Variants in CAMK2G observed in about 807,000 individuals in gnomAD.
CAMK2G encodes calcium/calmodulin dependent protein kinase II gamma.
A neutral mutation model predicts 88.7 loss-of-function variants in CAMK2G; 23 were observed. The ratio of observed to expected loss-of-function variants is 0.26; its 90% CI spans 0.19 to 0.37. The LOEUF is 0.37. Ranked by LOEUF, CAMK2G falls within the 10% of genes least tolerant of loss-of-function variation. The probability of loss-of-function intolerance (pLI) is 1.00; values close to 1 mark genes in which losing one functional copy is unlikely to be tolerated. For synonymous variants in CAMK2G, 263 were observed against 294.8 expected (o/e 0.89, Z 1.11); for missense variants, 476 against 780.8 (o/e 0.61, Z 4.65).
At position 73,842,987 on chromosome 10, in the gene CAMK2G, C is replaced by T. The variant is rs1041087791; in HGVS notation, c.820-446G>A. Among the ~76,000 whole-genome samples the T allele has an allele frequency of 2.0e-5, 3 of 152,178 alleles. No homozygotes were observed. Among genetic ancestry groups the T allele is most frequent in the Non-Finnish European group, 2.9e-5 (2 of 68,032 alleles). The stretch of plus-strand genomic sequence containing the variant: ...CTTCCAAGAGCCCCTCTCCACACAC[C>T]CCCAGCAAGGTCCTGAATGAAGCCA... On this transcript the variant is annotated intron_variant, in intron 10 of 22. Coordinates refer to ENST00000423381, the MANE Select transcript of CAMK2G (RefSeq NM_001367534.1). This position sits in a 1 kb window ranked among gnomAD's most constrained non-coding sequence, Gnocchi z 4.6.
intron 3 of CAMK2G, among the ~76,000 whole-genome samples, chr10:73,857,251 T>A (rs2095104531): frequency 6.6e-6 from 1 of 152,136 alleles, no homozygotes; most frequent in Non-Finnish European, 1.5e-5. Context: ...CTTGAAGAGA[T>A]CACTTCTAGG....
intron 20 of CAMK2G, 100 bp from the exon 21 acceptor site, chr10:73,817,217 T>C (rs1477652545): frequency 6.7e-7 from 1 of 1,485,848 alleles, no homozygotes; most frequent in Non-Finnish European, 9.0e-7. Context: ...AGGCTACCTG[T>C]GGCCATGCCA....
chr10:73,862,047 T>TA (rs1249760708), intron 2 of CAMK2G, among the ~76,000 whole-genome samples: 1 of 152,156 alleles, frequency 6.6e-6, no homozygotes, highest in African/African-American at 2.4e-5. Context: ...CAGGATTACT[T>TA]GGTTTTGGTG....
intron 1 of CAMK2G, among the ~76,000 whole-genome samples, chr10:73,873,998 A>G (rs1023971039): frequency 6.7e-6 from 1 of 148,498 alleles, no homozygotes; most frequent in Non-Finnish European, 1.5e-5. Flanking sequence ...CAGCAGAGCT[A>G]GGGCTGCAGG....
rs1404421915 is a variant in CAMK2G, at chr10:73,813,238, CCT to C, written c.*1278_*1279del. ...AAGGTAGAAGCCTTGGCTCTGGACA[CCT>C]CTTTTGGGTTACATGCGGGGAGGGG... is the stretch of plus-strand genomic sequence containing the variant. On this transcript the variant is annotated 3_prime_UTR_variant, in exon 23 of 23. Coordinates refer to ENST00000423381, the MANE Select transcript of CAMK2G (RefSeq NM_001367534.1). The C allele has an allele frequency of 6.5e-6, 1 of 152,756 alleles. No homozygotes were observed. Among genetic ancestry groups the C allele is most frequent in the African/African-American group, 2.4e-5 (1 of 41,466 alleles). 9.5% of individuals were successfully genotyped at this position (152,756 alleles called of 1,614,324 possible).
At position 73,847,266 on chromosome 10, in the gene CAMK2G, G is replaced by A; in HGVS notation, c.778C>T (p.Arg260Cys). Reference sequence around the variant, plus strand: ...TTGAGAGCCTGGTCAGCCGTGATGCGCTTTGCTGGGTTTATGGTCAGCATC... The same window carrying A: ...TTGAGAGCCTGGTCAGCCGTGATGCACTTTGCTGGGTTTATGGTCAGCATC... Reference protein sequence around the residue: ...NQMLTINPAKRITADQALKHP... With the variant: ...NQMLTINPAKCITADQALKHP... The change falls in exon 10 of 23, where the codon CGC becomes TGC. Residue 260 changes from arginine (R) to cysteine (C), a missense_variant. Around this residue, in one of 3 missense-constraint regions of CAMK2G, gnomAD observed 164 missense variants for 385.6 expected, o/e 0.43. Transcript: ENST00000423381. 6.2e-7 allele frequency: 1 copy of A among 1,614,184 alleles called. No homozygotes were observed. Among genetic ancestry groups the A allele is most frequent in the Non-Finnish European group, 8.5e-7 (1 of 1,180,002 alleles).
chr10:73,843,033 C>T (rs1000217266), intron 10 of CAMK2G, among the ~76,000 whole-genome samples: 15 of 151,988 alleles, frequency 9.9e-5, no homozygotes, highest in Admixed American at 2.0e-4. Flanking sequence ...AGCTAAGGAT[C>T]GTCACCTTGA....
At chr10:73,824,974 C>G (rs973065630) in intron 16 of CAMK2G, among the ~76,000 whole-genome samples, 29 of 152,344 alleles carry the variant, frequency 1.9e-4, no homozygotes, top group Non-Finnish European at 2.9e-4. Flanking sequence ...TCCCAGCCCC[C>G]ACAGCAGACC....
chr10:73,814,667 A>G (rs2084849248), intron 22 of CAMK2G, 162 bp from the exon 23 acceptor site: 1 of 247,328 alleles, frequency 4.0e-6, no homozygotes, highest in Admixed American at 4.8e-5. Context: ...CCATTTGCTA[A>G]GCACTAACTA....
chr10:73,826,900 G>C (rs1407382926), intron 15 of CAMK2G, among the ~76,000 whole-genome samples: 2 of 152,180 alleles, frequency 1.3e-5, no homozygotes, highest in Admixed American at 1.3e-4. Flanking sequence ...GGCACCAAGT[G>C]ACTCCACTGA....
chr10:73,814,384 G>C lies in CAMK2G; in HGVS notation c.*134C>G, dbSNP rs1163642293. ...CTGCATGCAGGGGCGTGCATTGGCT[G>C]CTGCCGCTTTTGTAATTGAATTGTT... On this transcript the variant is annotated 3_prime_UTR_variant, in exon 23 of 23. Coordinates refer to ENST00000423381, the MANE Select transcript of CAMK2G (RefSeq NM_001367534.1). 1 of 152,996 alleles carries C rather than the reference G, an allele frequency of 6.5e-6. No homozygotes were observed. The highest frequency in any genetic ancestry group is 1.5e-5 in the Non-Finnish European group (1 of 68,494). 9.5% of individuals were successfully genotyped at this position (152,996 alleles called of 1,614,324 possible). A position where few individuals can be genotyped will look rare whatever the true frequency, so the allele number is the denominator to read the frequency against.
intron 2 of CAMK2G, among the ~76,000 whole-genome samples, chr10:73,868,851 G>C (rs1027049119): frequency 6.6e-6 from 1 of 152,162 alleles, no homozygotes; most frequent in Non-Finnish European, 1.5e-5. Flanking sequence ...AGTCCCCAGG[G>C]CCAGCTGGAC....
In CAMK2G at chr10:73,839,791, G is replaced by T. The variant is rs1163731343; in HGVS notation, c.947-190C>A. ...CTGCAGCAGTCTGGGGGCCTGGGAA[G>T]ACCGGGCTGGGCCAGGGCATAGGGA... On this transcript the variant is annotated intron_variant, in intron 12 of 22. Transcript: ENST00000423381. This position sits in a 1 kb window ranked among gnomAD's most constrained non-coding sequence, Gnocchi z 4.2. Among the ~76,000 whole-genome samples the T allele has an allele frequency of 1.3e-5, 2 of 152,190 alleles. No individual in the cohort carries two copies. Among genetic ancestry groups the T allele is most frequent in the African/African-American group, 4.8e-5 (2 of 41,448 alleles).
At position 73,821,670 on chromosome 10, in the gene CAMK2G, G is replaced by T. The variant is rs769509185; in HGVS notation, c.1249+12C>A. ...TGCTGGAGTCCTTCCCCCTCCAAGG[G>T]CCAGCACCTACCTTTGAGGTCCTCA... On this transcript the variant is annotated intron_variant, in intron 18 of 22. Coordinates refer to ENST00000423381, the MANE Select transcript of CAMK2G (RefSeq NM_001367534.1). 47 of 1,606,268 alleles carry T rather than the reference G, an allele frequency of 2.9e-5. No homozygotes were observed. The South Asian group carries it at 5.2e-4, about 18-fold the overall frequency.
intron 2 of CAMK2G, among the ~76,000 whole-genome samples, chr10:73,872,637 C>T (rs2095872417): frequency 6.6e-6 from 1 of 152,174 alleles, no homozygotes; most frequent in African/African-American, 2.4e-5. Flanking sequence ...CCTGCAGTAG[C>T]CACCACTGCC....
In CAMK2G at chr10:73,848,526, C is replaced by T; in HGVS notation, c.601G>A (p.Gly201Arg). ...YGKPVDIWAC[G>R]VILYILLVGY... The stretch of plus-strand genomic sequence containing the variant: ...AGCTGAGAGCGTGGAATGGGCTTAC[C>T]GCAGGCCCAGATATCCACAGGTTTT... Residue 201 changes from glycine (G) to arginine (R), a missense_variant and splice_region_variant, in exon 8 of 23, where the codon GGG becomes AGG. Coordinates refer to ENST00000423381, the MANE Select transcript of CAMK2G (RefSeq NM_001367534.1). The surrounding 1 kb of genome is among the most constrained non-coding windows in gnomAD (Gnocchi z 4.5). 4.4e-6 allele frequency: 7 copies of T among 1,606,798 alleles called. No homozygotes were observed. Among genetic ancestry groups the T allele is most frequent in the Non-Finnish European group, 6.0e-6 (7 of 1,174,044 alleles).
At position 73,873,095 on chromosome 10, in the gene CAMK2G, AG is replaced by A; in HGVS notation, c.66-13del. 15 of 1,579,638 alleles carry A rather than the reference AG, an allele frequency of 9.5e-6. No homozygotes were observed. The highest frequency in any genetic ancestry group is 1.2e-5 in the Non-Finnish European group (14 of 1,148,926). On this transcript the variant is annotated splice_polypyrimidine_tract_variant and intron_variant, in intron 1 of 22. Transcript: ENST00000423381. ...CAGAGAAAGCACCCCTGGAGGGAGA[AG>A]GGGAAAAGAACTGGGACACGGAGCA...
intron 21 of CAMK2G, 49 bp from the exon 22 acceptor site, chr10:73,815,296 G>C (rs1450649297): frequency 3.3e-6 from 4 of 1,227,922 alleles, no homozygotes; most frequent in South Asian, 1.3e-5. Flanking sequence ...CTGGGCACCT[G>C]CATTTTCCTC....
Position 73,848,727 on chromosome 10 carries a change from A to G in CAMK2G, c.518-118T>C. ...TGCTGCTTTTGCTACATAAACTCTC[A>G]GCACATGGGCAGCAAGAGCTGACAG... On this transcript the variant is annotated intron_variant, in intron 7 of 22. Coordinates refer to ENST00000423381, the MANE Select transcript of CAMK2G (RefSeq NM_001367534.1). This position sits in a 1 kb window ranked among gnomAD's most constrained non-coding sequence, Gnocchi z 4.5. 1.5e-6 allele frequency: 1 copy of G among 677,384 alleles called. No homozygotes were observed. The highest frequency in any genetic ancestry group is 2.6e-6 in the Non-Finnish European group (1 of 383,760). The allele number at this position is 677,384 out of a possible 1,614,324, so 42.0% of individuals were successfully genotyped here. A position where few individuals can be genotyped will look rare whatever the true frequency, so the allele number is the denominator to read the frequency against.
Sources: gnomAD v4.1 joint callset for allele counts (sites outside exome capture counted in the v4.1 genomes callset) on GRCh38, gnomAD v4.1.1 for gene constraint, gnomAD v4.1.1 regional missense constraint, Gnocchi (gnomAD v3.1) non-coding constraint, MANE v1.5 for transcripts, NCBI Gene and HGNC (gene_info 2026-07-23, HGNC 2026-07-21) for gene names.